NXPE2: variants seen among roughly 807,000 people sequenced by gnomAD.
NXPE2 encodes neurexophilin and PC-esterase domain family member 2, also known as NXPE family member 2.
Under a neutral mutation model 34.4 loss-of-function variants are expected in NXPE2, and 34 were observed. The ratio of observed to expected loss-of-function variants is 0.99; its 90% CI spans 0.75 to 1.31. The LOEUF is 1.31. Ranked by LOEUF, NXPE2 falls within the 40% of genes most tolerant of loss-of-function variation. The pLI, the probability that NXPE2 is intolerant of heterozygous loss-of-function variation, is 0.00. For synonymous variants in NXPE2, 235 were observed against 231.3 expected, an observed-to-expected ratio of 1.02 and a Z score of -0.15; for missense variants, 649 against 672.5, an observed-to-expected ratio of 0.97 and a Z score of 0.39.
chr11:114,678,414 AG>A, upstream of NXPE2: 1 of 581,050 alleles, frequency 1.7e-6, no homozygotes, highest in Non-Finnish European at 3.1e-6. Context: ...GATCATAATA[AG>A]GGAGGTTTAT....
At chr11:114,610,271 G>A in the NXPE2 span, among the ~76,000 whole-genome samples, 2 of 151,482 alleles carry the variant, frequency 1.3e-5, no homozygotes, top group Non-Finnish European at 2.9e-5. Flanking sequence ...AATAGGTGTT[G>A]CCTACCCGGT....
chr11:114,748,782 TATTTA>T, the NXPE2 span, among the ~76,000 whole-genome samples: 114 of 152,346 alleles, frequency 7.5e-4, no homozygotes, highest in Non-Finnish European at 1.2e-3. Flanking sequence ...TTTCCATTTG[TATTTA>T]ATTAAAGTGC....
chr11:114,528,886 G>A, the NXPE2 span: 1 of 609,286 alleles, frequency 1.6e-6, no homozygotes, highest in African/African-American at 1.8e-5. Flanking sequence ...TTAGGCATAA[G>A]GATGGTTGAT....
chr11:114,726,127 G>T, the NXPE2 span, among the ~76,000 whole-genome samples: 1 of 151,396 alleles, frequency 6.6e-6, no homozygotes, highest in African/African-American at 2.4e-5. Flanking sequence ...AATTTATTTA[G>T]TTGGATATAG....
chr11:114,584,281 C>A, the NXPE2 span: 1 of 506,592 alleles, frequency 2.0e-6, no homozygotes, highest in South Asian at 1.5e-5. Flanking sequence ...ATATTTCAAG[C>A]CCTACATCAG....
At chr11:114,652,702 C>A in the NXPE2 span, among the ~76,000 whole-genome samples, 14 of 152,100 alleles carry the variant, frequency 9.2e-5, no homozygotes, top group African/African-American at 2.4e-4. Flanking sequence ...TTGTAGAGAA[C>A]CTGACTTGCT....
chr11:114,488,187 T>C, the NXPE2 span, among the ~76,000 whole-genome samples: 2 of 152,194 alleles, frequency 1.3e-5, no homozygotes, highest in Non-Finnish European at 2.9e-5. Flanking sequence ...TTACTTGTGA[T>C]TGGCCTATTT....
chr11:114,642,014 A>G, the NXPE2 span, among the ~76,000 whole-genome samples: 4 of 152,084 alleles, frequency 2.6e-5, no homozygotes. Flanking sequence ...AACCCAAATA[A>G]AAAAGTAATT....
the NXPE2 span, among the ~76,000 whole-genome samples, chr11:114,667,136 A>C: frequency 1.3e-5 from 2 of 152,114 alleles, no homozygotes; most frequent in Non-Finnish European, 2.9e-5. Flanking sequence ...ATCTGTATAC[A>C]TGAAGATATT....
At chr11:114,793,071 T>C in the NXPE2 span, among the ~76,000 whole-genome samples, 1 of 152,184 alleles carries the variant, frequency 6.6e-6, no homozygotes, top group Non-Finnish European at 1.5e-5. Flanking sequence ...TTTTTATCCA[T>C]TGCCCTGGTT....
At chr11:114,807,615 A>G in the NXPE2 span, among the ~76,000 whole-genome samples, 1 of 151,600 alleles carries the variant, frequency 6.6e-6, no homozygotes, top group Non-Finnish European at 1.5e-5. Context: ...ATAATGGTAA[A>G]GGGATCAATT....
the NXPE2 span, among the ~76,000 whole-genome samples, chr11:114,636,206 C>T: frequency 3.3e-5 from 5 of 152,040 alleles, no homozygotes; most frequent in Admixed American, 1.3e-4. Context: ...GTGTATGTGT[C>T]GAGGAATTTA....
the NXPE2 span, among the ~76,000 whole-genome samples, chr11:114,538,689 A>G: frequency 5.3e-5 from 8 of 152,246 alleles, no homozygotes; most frequent in African/African-American, 1.9e-4. Context: ...AAAAATGCTC[A>G]TCATCACTGG....
At chr11:114,468,649 A>G in the NXPE2 span, among the ~76,000 whole-genome samples, 1 of 152,212 alleles carries the variant, frequency 6.6e-6, no homozygotes. Context: ...TTAGAGACCA[A>G]GGATTCTACT....
chr11:114,765,962 GTGAC>G, the NXPE2 span, among the ~76,000 whole-genome samples: 90 of 152,204 alleles, frequency 5.9e-4, no homozygotes, highest in Non-Finnish European at 1.0e-3. Flanking sequence ...TCCTGTTTGA[GTGAC>G]TGGCCATCAC....
At chr11:114,656,643 A>G in the NXPE2 span, among the ~76,000 whole-genome samples, 1 of 151,934 alleles carries the variant, frequency 6.6e-6, no homozygotes, top group East Asian at 1.9e-4. Flanking sequence ...AAGTCTCAAG[A>G]CCCAAAATCA....
chr11:114,530,591 C>A, the NXPE2 span: 1 of 1,614,160 alleles, frequency 6.2e-7, no homozygotes, highest in African/African-American at 1.3e-5. Flanking sequence ...TCCTGGCCCT[C>A]AGGAAATCCC....
the NXPE2 span, among the ~76,000 whole-genome samples, chr11:114,763,664 CA>C: frequency 6.6e-6 from 1 of 152,180 alleles, no homozygotes; most frequent in East Asian, 1.9e-4. Flanking sequence ...TCTTTAATTG[CA>C]CCTGGTCCAT....
chr11:114,603,380 C>T, the NXPE2 span, among the ~76,000 whole-genome samples: 1 of 151,192 alleles, frequency 6.6e-6, no homozygotes, highest in Middle Eastern at 3.2e-3. Flanking sequence ...ATAAGTATTT[C>T]CTCATCTCCT....
Sources: allele counts gnomAD v4.1 joint callset (sites outside exome capture counted in the v4.1 genomes callset), GRCh38; gene constraint gnomAD v4.1.1; transcripts MANE v1.5; gene names NCBI Gene and HGNC (gene_info 2026-07-23, HGNC 2026-07-21).